IL16: variants seen among roughly 807,000 people sequenced by gnomAD.
IL16 encodes pro-interleukin-16.
A neutral mutation model predicts 110.1 loss-of-function variants in IL16; 67 were observed. The observed-to-expected ratio is 0.61, with a 90% CI of 0.50 to 0.75. The LOEUF (loss-of-function observed/expected upper bound fraction) is 0.75, where lower values mean the gene tolerates loss of function less well. Among genes scored for constraint, IL16 ranks in the 30% least tolerant of loss-of-function variants. The probability of loss-of-function intolerance (pLI) is 0.00; values close to 1 mark genes in which losing one functional copy is unlikely to be tolerated. For synonymous variants in IL16, 689 were observed against 662.9 expected, an observed-to-expected ratio of 1.04 and a Z score of -0.61; for missense variants, 1,545 against 1,655.0, an observed-to-expected ratio of 0.93 and a Z score of 1.15.
At chr15:81,248,645 A>C (rs1167529533) in intron 2 of IL16, among the ~76,000 whole-genome samples, 1 of 134,988 alleles carries the variant, frequency 7.4e-6, no homozygotes, top group African/African-American at 2.7e-5. Flanking sequence ...TATTGATTAT[A>C]TTTTCTCATT....
intron 1 of IL16, among the ~76,000 whole-genome samples, chr15:81,199,027 A>AT (rs1290320481): frequency 8.0e-4 from 78 of 97,492 alleles, no homozygotes; most frequent in Admixed American, 1.2e-3. Context: ...CTCAAAAAAA[A>AT]AAAATATATA....
chr15:81,278,875 T>C lies in IL16; in HGVS notation c.849T>C (p.Ala283=), dbSNP rs764374366. 16 of 1,612,288 alleles carry C rather than the reference T, an allele frequency of 9.9e-6. No homozygotes were observed. The Admixed American group carries it at 2.3e-4, about 24-fold the overall frequency. The change falls in exon 7 of 19, where the codon GCT becomes GCC. Residue 283 remains alanine (A), a synonymous_variant. Coordinates refer to ENST00000683961, the MANE Select transcript of IL16 (RefSeq NM_172217.5). ...ESMAGLTHQD[A]LQKFKQAKKG... The stretch of plus-strand genomic sequence containing the variant: ...TGGCTGGACTAACACATCAGGATGC[T>C]TTGCAGAAGTTCAAGGTGACCATTT...
At chr15:81,290,009 C>T (rs1899634871) in intron 10 of IL16, 1 of 390,610 alleles carries the variant, frequency 2.6e-6, no homozygotes, top group African/African-American at 2.1e-5. Context: ...CTCTAGGACT[C>T]ATACTCTTAA....
At chr15:81,195,583 C>T (rs529688433), upstream of IL16, among the ~76,000 whole-genome samples, 4 of 152,290 alleles carry the variant, frequency 2.6e-5, no homozygotes, top group South Asian at 2.1e-4. Context: ...CCCTTGGGAC[C>T]GTGGGCCTGT....
intron 1 of IL16, among the ~76,000 whole-genome samples, chr15:81,204,184 C>G (rs1895924854): frequency 6.6e-6 from 1 of 152,150 alleles, no homozygotes; most frequent in Non-Finnish European, 1.5e-5. Flanking sequence ...TATCCTGAGA[C>G]TTTGCTGAAG....
In IL16 at chr15:81,303,660, C is replaced by G. The variant is rs1212111475; in HGVS notation, c.3420+10C>G. 1 of 1,566,720 alleles carries G rather than the reference C, an allele frequency of 6.4e-7. No homozygotes were observed. The highest frequency in any genetic ancestry group is 8.8e-7 in the Non-Finnish European group (1 of 1,137,088). ...AAACAAGGTGATTACGGTGAGTGGCCAAGTGAAGGGGCATGTCACAGCCAG... is the reference window on the plus strand; with the variant it reads ...AAACAAGGTGATTACGGTGAGTGGCGAAGTGAAGGGGCATGTCACAGCCAG... On this transcript the variant is annotated intron_variant, in intron 16 of 18. Transcript: ENST00000683961. This position sits in a 1 kb window ranked among gnomAD's most constrained non-coding sequence, Gnocchi z 4.1.
In IL16 at chr15:81,286,232, C is replaced by T. The variant is rs143808944; in HGVS notation, c.1332+402C>T. Among the ~76,000 whole-genome samples, 14 of 152,252 alleles carry T rather than the reference C, an allele frequency of 9.2e-5. 1 individual carries two copies. The East Asian group carries it at 2.7e-3, about 29-fold the overall frequency. Reference sequence around the variant, plus strand: ...CCTGCCCTGCAGAAGCTCACAGTATCAATAAAGAGCCTGACATACAAATAA... The same window carrying T: ...CCTGCCCTGCAGAAGCTCACAGTATTAATAAAGAGCCTGACATACAAATAA... On this transcript the variant is annotated intron_variant, in intron 10 of 18. Coordinates refer to ENST00000683961, the MANE Select transcript of IL16 (RefSeq NM_172217.5).
chr15:81,253,670 T>C (rs1353481382), intron 2 of IL16, among the ~76,000 whole-genome samples: 1 of 152,236 alleles, frequency 6.6e-6, no homozygotes, highest in African/African-American at 2.4e-5. Context: ...CTTCACTCTT[T>C]TGCATGTGAA....
chr15:81,203,573 T>C (rs1404172269), intron 1 of IL16, among the ~76,000 whole-genome samples: 1 of 152,068 alleles, frequency 6.6e-6, no homozygotes, highest in Non-Finnish European at 1.5e-5. Flanking sequence ...ATTTATTAAA[T>C]AGGGAATCCT....
chr15:81,293,624 C>G (rs11637883), intron 12 of IL16, among the ~76,000 whole-genome samples: 1 of 152,100 alleles, frequency 6.6e-6, no homozygotes, highest in Non-Finnish European at 1.5e-5. Context: ...TGCTTAAACC[C>G]GGGAGGAGTG....
intron 5 of IL16, among the ~76,000 whole-genome samples, chr15:81,271,110 A>G (rs1389812597): frequency 6.6e-6 from 1 of 152,064 alleles, no homozygotes; most frequent in Non-Finnish European, 1.5e-5. Flanking sequence ...AATCCCCACA[A>G]CAACCCTCCT....
At chr15:81,227,328 G>C (rs938308067) in intron 2 of IL16, among the ~76,000 whole-genome samples, 1 of 152,170 alleles carries the variant, frequency 6.6e-6, no homozygotes, top group Admixed American at 6.5e-5. Flanking sequence ...AGGGGATAGA[G>C]AGTGATGAGG....
chr15:81,224,659 C>T (rs1160175608), intron 1 of IL16, among the ~76,000 whole-genome samples: 1 of 152,234 alleles, frequency 6.6e-6, no homozygotes, highest in East Asian at 1.9e-4. Flanking sequence ...CTTTTATGCT[C>T]ACATCAACTC....
chr15:81,221,630 A>C (rs1896620015), intron 1 of IL16, among the ~76,000 whole-genome samples: 1 of 152,054 alleles, frequency 6.6e-6, no homozygotes, highest in Non-Finnish European at 1.5e-5. Context: ...TCTCCCACAG[A>C]AGTCCAATTC....
intron 5 of IL16, among the ~76,000 whole-genome samples, chr15:81,271,921 C>T (rs575900514): frequency 1.1e-4 from 17 of 152,288 alleles, no homozygotes; most frequent in African/African-American, 3.4e-4. Context: ...TCCTAATCAG[C>T]GCAGCGGCTC....
chr15:81,238,558 A>G (rs1897248220), intron 2 of IL16, among the ~76,000 whole-genome samples: 1 of 152,018 alleles, frequency 6.6e-6, no homozygotes, highest in Non-Finnish European at 1.5e-5. Context: ...ACTTTTCTCC[A>G]TTTCTTAAAT....
In IL16 at chr15:81,312,606, T is replaced by C. The variant is rs1055066432; in HGVS notation, c.*3808T>C. The C allele has an allele frequency of 3.3e-5, 5 of 152,248 alleles. No individual in the cohort carries two copies. The highest frequency in any genetic ancestry group is 1.2e-4 in the African/African-American group (5 of 41,472). The allele number at this position is 152,248 out of a possible 1,614,324, so 9.4% of individuals were successfully genotyped here. ...TCTGGTTTCACCGAGGACATGAAACTCCACCTTGCGGGGATAAAGAGAGAA... is the reference window on the plus strand; with the variant it reads ...TCTGGTTTCACCGAGGACATGAAACCCCACCTTGCGGGGATAAAGAGAGAA... On this transcript the variant is annotated 3_prime_UTR_variant, in exon 19 of 19. Coordinates refer to ENST00000683961, the MANE Select transcript of IL16 (RefSeq NM_172217.5).
chr15:81,275,574 A>G (rs1596021381), intron 6 of IL16, among the ~76,000 whole-genome samples: 1 of 152,106 alleles, frequency 6.6e-6, no homozygotes. Flanking sequence ...TTGAAGTGGC[A>G]AGAAAAGAGA....
intron 1 of IL16, among the ~76,000 whole-genome samples, chr15:81,225,070 T>C (rs1438061240): frequency 1.2e-4 from 19 of 152,188 alleles, no homozygotes; most frequent in Admixed American, 1.2e-3. Context: ...TGAGAAGCTC[T>C]GGGGCTAGGT....
Sources: allele counts gnomAD v4.1 joint callset (sites outside exome capture counted in the v4.1 genomes callset), GRCh38; gene constraint gnomAD v4.1.1; non-coding constraint Gnocchi (gnomAD v3.1); transcripts MANE v1.5; gene names NCBI Gene and HGNC (gene_info 2026-07-23, HGNC 2026-07-21).